MAF: variants seen among roughly 807,000 people sequenced by gnomAD.
MAF encodes transcription factor Maf.
Under a neutral mutation model 22.0 loss-of-function variants are expected in MAF, and 10 were observed. The observed-to-expected ratio is 0.45, with a 90% CI of 0.28 to 0.77. The LOEUF (loss-of-function observed/expected upper bound fraction) is 0.77. Ranked by LOEUF, MAF falls within the 30% of genes least tolerant of loss-of-function variation. The pLI is 0.12. For missense variants in MAF, 544 were observed against 548.4 expected (o/e 0.99, Z 0.08); for synonymous variants, 337 against 255.8 (o/e 1.32, Z -3.03).
chr16:79,355,914 G>C, the MAF span, among the ~76,000 whole-genome samples: 6,241 of 152,180 alleles, frequency 0.041, 286 homozygotes, highest in African/African-American at 0.11. Flanking sequence ...TTCCAAATAA[G>C]ATTCTGAACA....
chr16:79,328,759 A>G, the MAF span, among the ~76,000 whole-genome samples: 1 of 152,302 alleles, frequency 6.6e-6, no homozygotes, highest in African/African-American at 2.4e-5. Flanking sequence ...CCAGCTTGTA[A>G]TTAAAATGGA....
chr16:79,595,857 T>C (rs1217533003), intron 1 of MAF: 1 of 1,058,418 alleles, frequency 9.4e-7, no homozygotes, highest in Middle Eastern at 4.2e-4. Context: ...GATATGTACT[T>C]GGAAATATGG....
chr16:79,204,924 C>G, the MAF span: 1 of 152,250 alleles, frequency 6.6e-6, no homozygotes, highest in Non-Finnish European at 1.5e-5. Flanking sequence ...TCATTCTCCT[C>G]TCTTCGAGTC....
At chr16:79,315,787 A>G in the MAF span, among the ~76,000 whole-genome samples, 1 of 152,356 alleles carries the variant, frequency 6.6e-6, no homozygotes, top group Admixed American at 6.5e-5. Context: ...GTCCTACTCC[A>G]AAGCCCAAGT....
the MAF span, among the ~76,000 whole-genome samples, chr16:79,313,727 CTT>C: frequency 6.6e-6 from 1 of 152,122 alleles, no homozygotes; most frequent in Non-Finnish European, 1.5e-5. Flanking sequence ...TCTCAGGAGG[CTT>C]TGCCTATCTC....
the MAF span, among the ~76,000 whole-genome samples, chr16:79,316,018 G>C: frequency 1.3e-5 from 2 of 152,204 alleles, no homozygotes; most frequent in African/African-American, 2.4e-5. Context: ...AGGCAGACCA[G>C]CTCATGCTTG....
chr16:79,306,054 C>T, the MAF span, among the ~76,000 whole-genome samples: 10 of 152,262 alleles, frequency 6.6e-5, no homozygotes, highest in African/African-American at 2.4e-4. Flanking sequence ...TGACTGAGAC[C>T]AAGTCATGTG....
At chr16:79,588,232 ATG>A (rs1334155769) in intron 1 of MAF, among the ~76,000 whole-genome samples, 1 of 152,142 alleles carries the variant, frequency 6.6e-6, no homozygotes, top group Non-Finnish European at 1.5e-5. Flanking sequence ...GGCTGTCAGC[ATG>A]TGTCTCCACA....
At chr16:79,212,116 C>A in the MAF span, 1 of 1,535,456 alleles carries the variant, frequency 6.5e-7, no homozygotes, top group Non-Finnish European at 8.7e-7. Context: ...CTTTCTTTTA[C>A]TGTTATAGAA....
chr16:79,256,632 G>C, the MAF span, among the ~76,000 whole-genome samples: 517 of 152,212 alleles, frequency 3.4e-3, 9 homozygotes, highest in East Asian at 0.026. Flanking sequence ...TAGATCTTTG[G>C]ACTAGCAAAG....
the MAF span, among the ~76,000 whole-genome samples, chr16:79,501,281 G>T: frequency 6.6e-6 from 1 of 152,152 alleles, no homozygotes; most frequent in South Asian, 2.1e-4. Flanking sequence ...CTGTCTTTGT[G>T]TTTGCTCCTC....
chr16:79,261,638 C>G, the MAF span, among the ~76,000 whole-genome samples: 1 of 152,348 alleles, frequency 6.6e-6, no homozygotes, highest in Non-Finnish European at 1.5e-5. Flanking sequence ...GCCAGGGACA[C>G]TGCAGAGGGA....
chr16:79,340,110 G>C, the MAF span, among the ~76,000 whole-genome samples: 5 of 152,222 alleles, frequency 3.3e-5, no homozygotes, highest in Middle Eastern at 0.014. Context: ...CTCTAGCCAA[G>C]TGCAATACTT....
At chr16:79,531,403 G>A in the MAF span, among the ~76,000 whole-genome samples, 7 of 152,062 alleles carry the variant, frequency 4.6e-5, no homozygotes, top group Admixed American at 1.3e-4. Context: ...AGTGGGGTGG[G>A]GATGTTTTCC....
At chr16:79,326,742 C>G in the MAF span, among the ~76,000 whole-genome samples, 1 of 152,112 alleles carries the variant, frequency 6.6e-6, no homozygotes, top group African/African-American at 2.4e-5. Context: ...ACTTTATTTA[C>G]AAAAGTGGAT....
the MAF span, among the ~76,000 whole-genome samples, chr16:79,403,944 G>A: frequency 1.3e-5 from 2 of 152,134 alleles, no homozygotes; most frequent in Admixed American, 6.5e-5. Flanking sequence ...GAAAAGTTGA[G>A]AGTTTGGGCA....
chr16:79,248,798 CAAA>C, the MAF span, among the ~76,000 whole-genome samples: 19,011 of 147,848 alleles, frequency 0.13, 1,446 homozygotes, highest in Middle Eastern at 0.19. Context: ...CCAAAATTTA[CAAA>C]AAAAAAAAAT....
At chr16:79,279,266 G>A in the MAF span, among the ~76,000 whole-genome samples, 1 of 152,112 alleles carries the variant, frequency 6.6e-6, no homozygotes, top group Non-Finnish European at 1.5e-5. Flanking sequence ...CATTGTTTCT[G>A]GCTGGGTCAC....
chr16:79,353,287 C>T, the MAF span, among the ~76,000 whole-genome samples: 1 of 152,198 alleles, frequency 6.6e-6, no homozygotes, highest in East Asian at 1.9e-4. Flanking sequence ...TACAACCACA[C>T]CTAGCTAATT....
Sources: gnomAD v4.1 joint callset for allele counts (sites outside exome capture counted in the v4.1 genomes callset) on GRCh38, gnomAD v4.1.1 for gene constraint, MANE v1.5 for transcripts, NCBI Gene and HGNC (gene_info 2026-07-23, HGNC 2026-07-21) for gene names.